Variants in ZNF81 observed in about 807,000 individuals in gnomAD.
ZNF81 encodes the protein zinc finger protein 81 (HFZ20).
In ZNF81, 5 loss-of-function variants were observed where a neutral mutation model predicts 32.3. The ratio of observed to expected loss-of-function variants is 0.15; its 90% CI spans 0.08 to 0.33. ZNF81 has a LOEUF of 0.33. Ranked by LOEUF, ZNF81 falls within the 10% of genes least tolerant of loss-of-function variation. The pLI is 1.00. For synonymous variants in ZNF81, 163 were observed against 166.8 expected, an observed-to-expected ratio of 0.98 and a Z score of 0.17; for missense variants, 379 against 479.8, an observed-to-expected ratio of 0.79 and a Z score of 1.96.
chrX:47,842,213 G>A (rs1398764267), intron 1 of ZNF81, among the ~76,000 whole-genome samples: 1 of 111,628 alleles, frequency 9.0e-6, no homozygotes, highest in Admixed American at 9.5e-5. Flanking sequence ...TATGACCCCC[G>A]GTGTGGTCTA....
chrX:47,853,107 A>G (rs2058501983), intron 2 of ZNF81, among the ~76,000 whole-genome samples: 1 of 111,428 alleles, frequency 9.0e-6, no homozygotes, highest in African/African-American at 3.3e-5. Context: ...AGGTGTCAAC[A>G]GTGGTCTTAA....
At chrX:47,841,403 C>A in intron 1 of ZNF81, 2 of 793,324 alleles carry the variant, frequency 2.5e-6, no homozygotes, top group Non-Finnish European at 3.8e-6. Context: ...CACCAGTAAA[C>A]TCACGCCATC....
chrX:47,872,927 G>T, intron 2 of ZNF81, among the ~76,000 whole-genome samples: 1 of 110,877 alleles, frequency 9.0e-6, no homozygotes, highest in Non-Finnish European at 1.9e-5. Flanking sequence ...TCATTATTCT[G>T]TGGGGCCCAT....
chrX:47,894,686 G>A (rs1315889008), intron 3 of ZNF81, among the ~76,000 whole-genome samples: 1 of 111,507 alleles, frequency 9.0e-6, no homozygotes, highest in African/African-American at 3.3e-5. Context: ...CACCCAGTGG[G>A]CTCAGAGGAC....
At chrX:47,856,363 C>T (rs1603175642) in intron 2 of ZNF81, among the ~76,000 whole-genome samples, 2 of 111,206 alleles carry the variant, frequency 1.8e-5, no homozygotes, top group African/African-American at 6.5e-5. Flanking sequence ...GAGAAACATG[C>T]ATAGAATTCT....
rs183099965 is a variant in ZNF81, at chrX:47,890,532, A to G, written c.181+2407A>G. On this transcript the variant is annotated intron_variant, in intron 3 of 4. Transcript: ENST00000338637. ...CTGCACTGTGATTCACCTATAGGGG[A>G]TTGCCAAAGGCTCCAAACAGCATCC... 7.8e-3 allele frequency among the ~76,000 whole-genome samples: 873 copies of G among 111,739 alleles called. 7 individuals carry two copies. The highest frequency in any genetic ancestry group is 0.027 in the African/African-American group (844 of 30,729).
intron 4 of ZNF81, among the ~76,000 whole-genome samples, chrX:47,909,517 T>C (rs781894932): frequency 9.0e-6 from 1 of 111,400 alleles, no homozygotes; most frequent in African/African-American, 3.3e-5. Context: ...TTTGTTTGTT[T>C]GTTTGTTTTT....
intron 3 of ZNF81, among the ~76,000 whole-genome samples, chrX:47,891,138 T>C (rs2058660993): frequency 8.9e-6 from 1 of 112,420 alleles, no homozygotes; most frequent in Non-Finnish European, 1.9e-5. Context: ...TACAGGTGTA[T>C]AGCTGGCCTT....
At chrX:47,861,431 C>T (rs2058540059) in intron 2 of ZNF81, among the ~76,000 whole-genome samples, 1 of 111,890 alleles carries the variant, frequency 8.9e-6, no homozygotes, top group African/African-American at 3.3e-5. Context: ...AGAGAACTGT[C>T]TCACATCTCC....
rs1242498424 is a variant in ZNF81 at position 47,920,053 on chromosome X, T to C, written c.*3421T>C. 2 of 111,908 alleles carry C rather than the reference T, an allele frequency of 1.8e-5. No individual in the cohort carries two copies. The highest frequency in any genetic ancestry group is 3.8e-5 in the Non-Finnish European group (2 of 53,184). The allele number at this position is 111,908 out of a possible 1,213,427, so 9.2% of individuals were successfully genotyped here. ...TCCTGGAAACAGCCATGGTTGCCCT[T>C]TTGATAGGCCATTAGCATGGGGAGA... On this transcript the variant is annotated 3_prime_UTR_variant, in exon 5 of 5. Transcript: ENST00000338637.
Position 47,846,318 on chromosome X carries a change from T to G in ZNF81, c.51T>G (p.Cys17Trp). 8.3e-7 allele frequency: 1 copy of G among 1,208,853 alleles called. No homozygotes were observed. The highest frequency in any genetic ancestry group is 1.1e-6 in the Non-Finnish European group (1 of 894,512). The change falls in exon 2 of 5, where the codon TGT becomes TGG. Residue 17 changes from cysteine (C) to tryptophan (W), a missense_variant. Around this residue, in one of 2 missense-constraint regions of ZNF81, gnomAD observed 277 missense variants for 306.6 expected, o/e 0.90. Transcript: ENST00000338637. ...APQPGEHGSA[C>W]EVSVSFEDVT... ...AGCCAGGGGAACATGGCAGTGCCTG[T>G]GAGGTGAGGAGGAGGAAGAGGTGCC...
chrX:47,856,865 G>A (rs981200642), intron 2 of ZNF81, among the ~76,000 whole-genome samples: 1 of 111,726 alleles, frequency 9.0e-6, no homozygotes, highest in Non-Finnish European at 1.9e-5. Context: ...GAACCTGGGA[G>A]ACAGAGGTTG....
chrX:47,855,072 C>T (rs1377291892), intron 2 of ZNF81, among the ~76,000 whole-genome samples: 2 of 108,964 alleles, frequency 1.8e-5, no homozygotes, highest in Admixed American at 9.9e-5. Flanking sequence ...CCAGCATGGG[C>T]GACACAGTGA....
At chrX:47,846,348 G>T in intron 2 of ZNF81, 27 bp downstream of exon 2, 3 of 1,200,563 alleles carry the variant, frequency 2.5e-6, no homozygotes, top group Non-Finnish European at 1.1e-6. Flanking sequence ...GGTGCCCAGG[G>T]ATTGGAATTC....
At chrX:47,887,960 G>A (rs2058648465) in intron 2 of ZNF81, 39 bp from the exon 3 acceptor site, 1 of 1,210,800 alleles carries the variant, frequency 8.3e-7, no homozygotes, top group Non-Finnish European at 1.1e-6. Context: ...ATCCTCCAGT[G>A]CTGATCATGT....
rs148440769 is a variant in ZNF81, at chrX:47,861,732, A to G, written c.54+15411A>G. Among the ~76,000 whole-genome samples the G allele has an allele frequency of 1.7e-3, 187 of 112,417 alleles. No homozygotes were observed. The Middle Eastern group carries it at 0.027, about 16-fold the overall frequency. Reference sequence around the variant, plus strand: ...AACCATTAAGGTCTGTCTCCCTGATAAAACCAGGTGTTTTTCTCCTTAACT... The same window carrying G: ...AACCATTAAGGTCTGTCTCCCTGATGAAACCAGGTGTTTTTCTCCTTAACT... On this transcript the variant is annotated intron_variant, in intron 2 of 4. Transcript: ENST00000338637.
chrX:47,865,549 C>T (rs2058556873), intron 2 of ZNF81, among the ~76,000 whole-genome samples: 1 of 111,709 alleles, frequency 9.0e-6, no homozygotes, highest in Non-Finnish European at 1.9e-5. Flanking sequence ...GCTTTGGGGA[C>T]CCTGAAGGTA....
chrX:47,893,022 T>G (rs1313801236), intron 3 of ZNF81, among the ~76,000 whole-genome samples: 1 of 112,615 alleles, frequency 8.9e-6, no homozygotes, highest in Non-Finnish European at 1.9e-5. Flanking sequence ...CAAAGGAGAC[T>G]CAAGAATTTA....
chrX:47,848,583 A>T (rs1457020054), intron 2 of ZNF81, among the ~76,000 whole-genome samples: 2 of 111,415 alleles, frequency 1.8e-5, no homozygotes, highest in African/African-American at 6.5e-5. Flanking sequence ...AATTTTTTGA[A>T]TAGTAATATA....
Sources: allele counts gnomAD v4.1 joint callset (sites outside exome capture counted in the v4.1 genomes callset), GRCh38; gene constraint gnomAD v4.1.1; regional missense constraint gnomAD v4.1.1; transcripts MANE v1.5; gene names NCBI Gene and HGNC (gene_info 2026-07-23, HGNC 2026-07-21).